NRXN1: variants seen among roughly 807,000 people sequenced by gnomAD.
The protein encoded by NRXN1 is neurexin 1.
A neutral mutation model predicts 150.9 loss-of-function variants in NRXN1; 39 were observed. The ratio of observed to expected loss-of-function variants is 0.26; its 90% CI spans 0.20 to 0.34. The LOEUF is 0.34. NRXN1 is among the 10% of genes least tolerant of loss of function. NRXN1 has a pLI of 1.00. For missense variants in NRXN1, 1,815 were observed against 1,949.9 expected, an observed-to-expected ratio of 0.93 and a Z score of 1.30; for synonymous variants, 924 against 757.0, an observed-to-expected ratio of 1.22 and a Z score of -3.62.
chr2:50,878,841 G>A (rs1001358119), intron 5 of NRXN1, among the ~76,000 whole-genome samples: 9 of 151,934 alleles, frequency 5.9e-5, no homozygotes, highest in Admixed American at 1.3e-4. Flanking sequence ...CTACAAGGTA[G>A]GTTTTTGCTT....
At chr2:50,200,695 C>CAA (rs1445884355) in intron 18 of NRXN1, among the ~76,000 whole-genome samples, 1 of 152,046 alleles carries the variant, frequency 6.6e-6, no homozygotes, top group Non-Finnish European at 1.5e-5. Context: ...TAGACTGTTT[C>CAA]TGCAAGAAGT....
intron 18 of NRXN1, among the ~76,000 whole-genome samples, chr2:50,206,136 T>G (rs534924571): frequency 1.3e-5 from 2 of 152,226 alleles, no homozygotes; most frequent in East Asian, 3.9e-4. Context: ...AGAAAACTTA[T>G]TTATTTGCAA....
rs1024275544 is a variant in NRXN1, at chr2:50,966,970, A to C, written c.773-41015T>G. Reference sequence around the variant, plus strand: ...AACTGCAGGCTTTGCTTTGGCAAATAATCTTTCACTATCCTTAGCTCTAAA... The same window carrying C: ...AACTGCAGGCTTTGCTTTGGCAAATCATCTTTCACTATCCTTAGCTCTAAA... On this transcript the variant is annotated intron_variant, in intron 2 of 22. Transcript: ENST00000401669. 2.6e-5 allele frequency among the ~76,000 whole-genome samples: 4 copies of C among 152,074 alleles called. No homozygotes were observed. In the South Asian group the frequency reaches 8.3e-4, roughly 31 times the overall value.
chr2:50,542,340 A>T (rs1187092194), intron 9 of NRXN1, among the ~76,000 whole-genome samples: 4 of 152,126 alleles, frequency 2.6e-5, no homozygotes, highest in Non-Finnish European at 4.4e-5. Flanking sequence ...TGAGACAGAA[A>T]GAAAAAGGGA....
intron 5 of NRXN1, among the ~76,000 whole-genome samples, chr2:50,836,666 C>T (rs1261741168): frequency 6.6e-6 from 1 of 152,064 alleles, no homozygotes; most frequent in African/African-American, 2.4e-5. Flanking sequence ...CCTTTTAAGG[C>T]TGAATAGTAT....
chr2:50,247,487 A>G (rs2066617741), intron 17 of NRXN1, among the ~76,000 whole-genome samples: 1 of 152,178 alleles, frequency 6.6e-6, no homozygotes, highest in Admixed American at 6.6e-5. Context: ...AGGTTCTCCA[A>G]ATATGGTACA....
At chr2:50,110,152 C>A (rs919992788) in intron 18 of NRXN1, among the ~76,000 whole-genome samples, 1 of 152,006 alleles carries the variant, frequency 6.6e-6, no homozygotes, top group African/African-American at 2.4e-5. Context: ...AAAGCAATAG[C>A]CATAACCAAG....
intron 17 of NRXN1, among the ~76,000 whole-genome samples, chr2:50,244,350 T>A (rs2152890036): frequency 6.6e-6 from 1 of 151,910 alleles, no homozygotes; most frequent in Non-Finnish European, 1.5e-5. Context: ...GACAATCAAA[T>A]ATGCACCATT....
intron 2 of NRXN1, among the ~76,000 whole-genome samples, chr2:50,979,439 G>A (rs1270667882): frequency 6.6e-6 from 1 of 151,998 alleles, no homozygotes; most frequent in Non-Finnish European, 1.5e-5. Flanking sequence ...CATGAAACCA[G>A]GACAAGAAGC....
chr2:50,695,704 G>A (rs2104915943), intron 5 of NRXN1, among the ~76,000 whole-genome samples: 1 of 152,248 alleles, frequency 6.6e-6, no homozygotes, highest in South Asian at 2.1e-4. Context: ...ATGTCGACGT[G>A]CTATAGTAGG....
intron 5 of NRXN1, among the ~76,000 whole-genome samples, chr2:50,710,273 A>T (rs957807132): frequency 6.6e-6 from 1 of 152,206 alleles, no homozygotes; most frequent in Non-Finnish European, 1.5e-5. Flanking sequence ...ATATTTCAGC[A>T]AGCTGCAAAA....
At chr2:50,705,056 A>G (rs1384160661) in intron 5 of NRXN1, among the ~76,000 whole-genome samples, 3 of 151,164 alleles carry the variant, frequency 2.0e-5, no homozygotes, top group Non-Finnish European at 4.4e-5. Context: ...ACAAACACAC[A>G]CACACACACA....
chr2:50,099,463 T>C (rs1332421456), intron 18 of NRXN1, among the ~76,000 whole-genome samples: 1 of 152,154 alleles, frequency 6.6e-6, no homozygotes, highest in Non-Finnish European at 1.5e-5. Context: ...TGTGCAACCA[T>C]CACCATTATT....
intron 5 of NRXN1, among the ~76,000 whole-genome samples, chr2:50,719,139 T>A (rs569904387): frequency 1.3e-5 from 2 of 151,894 alleles, no homozygotes; most frequent in South Asian, 4.1e-4. Context: ...AGACTTGTAA[T>A]CTTTATCCTT....
intron 17 of NRXN1, among the ~76,000 whole-genome samples, chr2:50,334,933 A>G (rs2077082931): frequency 6.6e-6 from 1 of 152,138 alleles, no homozygotes; most frequent in African/African-American, 2.4e-5. Context: ...CTCTGATCCT[A>G]AGGACTCCTG....
intron 5 of NRXN1, among the ~76,000 whole-genome samples, chr2:50,841,452 C>A (rs889118869): frequency 6.6e-6 from 1 of 152,152 alleles, no homozygotes; most frequent in Non-Finnish European, 1.5e-5. Context: ...GGAATCCAGA[C>A]AAGCAAAGGC....
At chr2:50,449,051 T>C (rs2086724014) in intron 17 of NRXN1, among the ~76,000 whole-genome samples, 1 of 152,160 alleles carries the variant, frequency 6.6e-6, no homozygotes, top group South Asian at 2.1e-4. Context: ...AACTAGATCA[T>C]CTAATGAAAT....
chr2:50,444,799 A>C (rs2086260299), intron 17 of NRXN1, among the ~76,000 whole-genome samples: 1 of 152,198 alleles, frequency 6.6e-6, no homozygotes, highest in Admixed American at 6.5e-5. Flanking sequence ...GCCTGAGGCA[A>C]AAGGGAAATT....
At chr2:50,873,905 C>T (rs1484448717) in intron 5 of NRXN1, among the ~76,000 whole-genome samples, 1 of 151,768 alleles carries the variant, frequency 6.6e-6, no homozygotes, top group East Asian at 2.0e-4. Context: ...AAATAAATTG[C>T]TATTAATTAT....
Sources: allele counts gnomAD v4.1 joint callset (sites outside exome capture counted in the v4.1 genomes callset), GRCh38; gene constraint gnomAD v4.1.1; transcripts MANE v1.5; gene names NCBI Gene and HGNC (gene_info 2026-07-23, HGNC 2026-07-21).